NTM: variants seen among roughly 807,000 people sequenced by gnomAD.
NTM encodes IgLON family member 2.
A neutral mutation model predicts 42.1 loss-of-function variants in NTM; 13 were observed. That is an observed-to-expected ratio of 0.31 (90% confidence interval 0.20 to 0.49). The LOEUF is 0.49. Among genes scored for constraint, NTM ranks in the 20% least tolerant of loss-of-function variants. The probability of loss-of-function intolerance (pLI) is 0.99; values close to 1 mark genes in which losing one functional copy is unlikely to be tolerated. For synonymous variants in NTM, 187 were observed against 179.2 expected, an observed-to-expected ratio of 1.04 and a Z score of -0.35; for missense variants, 373 against 452.8, an observed-to-expected ratio of 0.82 and a Z score of 1.60.
chr11:132,069,756 C>T (rs1248157029), intron 2 of NTM, among the ~76,000 whole-genome samples: 2 of 150,038 alleles, frequency 1.3e-5, no homozygotes, highest in African/African-American at 2.5e-5. Context: ...CGTCACACAG[C>T]CAAGTTAACA....
chr11:132,197,898 T>C (rs536842598), intron 3 of NTM, among the ~76,000 whole-genome samples: 1 of 152,238 alleles, frequency 6.6e-6, no homozygotes, highest in East Asian at 1.9e-4. Flanking sequence ...CAGTCTATCA[T>C]TGTTGGACAT....
At chr11:132,242,752 G>A (rs185646387) in intron 4 of NTM, among the ~76,000 whole-genome samples, 42 of 152,250 alleles carry the variant, frequency 2.8e-4, no homozygotes, top group Non-Finnish European at 4.4e-4. Flanking sequence ...GACTTTGGCC[G>A]AACTTTGCCA....
rs1431791176 is a variant in NTM at position 131,518,350 on chromosome 11, CAG to C, written c.82+147465_82+147466del. On this transcript the variant is annotated intron_variant, in intron 1 of 8. Transcript: ENST00000683400. The stretch of plus-strand genomic sequence containing the variant: ...CCCTCTAAGTCTCCTTGCTGTTTCT[CAG>C]AGGATGCAGGAAGTCCTCATTCTGC... 2.0e-5 allele frequency among the ~76,000 whole-genome samples: 3 copies of C among 152,292 alleles called. No homozygotes were observed. The East Asian group carries it at 5.8e-4, about 29-fold the overall frequency.
chr11:131,885,532 C>G (rs946427436), intron 1 of NTM, among the ~76,000 whole-genome samples: 1 of 152,214 alleles, frequency 6.6e-6, no homozygotes, highest in Admixed American at 6.5e-5. Flanking sequence ...ATCCCACGCT[C>G]TTCCTCAGGG....
intron 1 of NTM, among the ~76,000 whole-genome samples, chr11:131,531,305 AT>A (rs955907523): frequency 5.9e-5 from 9 of 151,706 alleles, no homozygotes; most frequent in Non-Finnish European, 8.8e-5. Context: ...TGCTCTGCTA[AT>A]TTTTTTTGGG....
intron 2 of NTM, among the ~76,000 whole-genome samples, chr11:131,974,380 G>C (rs755393317): frequency 6.6e-6 from 1 of 152,130 alleles, no homozygotes; most frequent in Admixed American, 6.5e-5. Context: ...TTTTAAGATA[G>C]GAGTCCTTTT....
chr11:132,126,223 C>T (rs2065813961), intron 2 of NTM, among the ~76,000 whole-genome samples: 2 of 152,120 alleles, frequency 1.3e-5, no homozygotes, highest in African/African-American at 4.8e-5. Flanking sequence ...CACAAGAACG[C>T]TGTGAACAAT....
At chr11:131,527,119 G>A (rs904549569) in intron 1 of NTM, among the ~76,000 whole-genome samples, 3 of 152,182 alleles carry the variant, frequency 2.0e-5, no homozygotes, top group Admixed American at 6.5e-5. Flanking sequence ...CCCACACTGT[G>A]TCTGATGTAC....
intron 1 of NTM, among the ~76,000 whole-genome samples, chr11:131,433,632 T>C (rs1246248343): frequency 6.6e-6 from 1 of 152,216 alleles, no homozygotes; most frequent in Non-Finnish European, 1.5e-5. Context: ...TCCTTCAGAA[T>C]GTCCTCTATT....
intron 2 of NTM, among the ~76,000 whole-genome samples, chr11:132,115,405 A>T (rs960400515): frequency 1.3e-5 from 2 of 152,246 alleles, no homozygotes; most frequent in African/African-American, 4.8e-5. Context: ...TGAATGGGAA[A>T]ACATGAGATT....
intron 4 of NTM, among the ~76,000 whole-genome samples, chr11:132,270,314 C>A (rs1175655950): frequency 6.6e-6 from 1 of 152,172 alleles, no homozygotes; most frequent in Non-Finnish European, 1.5e-5. Flanking sequence ...TCACTGCAAC[C>A]TTTGCCTCCT....
At chr11:131,646,347 A>G (rs1056993369) in intron 1 of NTM, among the ~76,000 whole-genome samples, 9 of 152,184 alleles carry the variant, frequency 5.9e-5, no homozygotes, top group African/African-American at 1.9e-4. Context: ...TTTGATGCGT[A>G]TAAAGAAAAA....
intron 3 of NTM, among the ~76,000 whole-genome samples, chr11:132,182,684 A>C (rs2077752119): frequency 6.6e-6 from 1 of 152,176 alleles, no homozygotes; most frequent in African/African-American, 2.4e-5. Flanking sequence ...TGCAGTCTGC[A>C]TTGCTGCCAG....
chr11:131,386,423 T>C (rs1310406505), intron 1 of NTM, among the ~76,000 whole-genome samples: 1 of 152,252 alleles, frequency 6.6e-6, no homozygotes, highest in Admixed American at 6.5e-5. Context: ...TGTCACTTAA[T>C]GGTACACTTA....
At chr11:131,655,745 T>C (rs1482762574) in intron 1 of NTM, among the ~76,000 whole-genome samples, 1 of 152,194 alleles carries the variant, frequency 6.6e-6, no homozygotes, top group Non-Finnish European at 1.5e-5. Flanking sequence ...ATAAATATGC[T>C]CACTGGAATG....
rs182888392 is a variant in NTM, at chr11:132,277,910, G to A, written c.527-29779G>A. Reference sequence around the variant, plus strand: ...TCTGGTTTGAGGACTCTTACTTTCTGAGTTCCAAGAAATTGAAAGCATATT... The same window carrying A: ...TCTGGTTTGAGGACTCTTACTTTCTAAGTTCCAAGAAATTGAAAGCATATT... On this transcript the variant is annotated intron_variant, in intron 4 of 8. Transcript: ENST00000683400. 4.2e-3 allele frequency among the ~76,000 whole-genome samples: 644 copies of A among 152,232 alleles called. 4 individuals carry two copies. The highest frequency in any genetic ancestry group is 0.015 in the African/African-American group (614 of 41,524).
intron 1 of NTM, among the ~76,000 whole-genome samples, chr11:131,458,882 G>A (rs968868617): frequency 1.3e-5 from 2 of 152,244 alleles, no homozygotes; most frequent in Non-Finnish European, 2.9e-5. Flanking sequence ...TGTAGTCCAA[G>A]CATTTACATT....
Position 131,401,810 on chromosome 11 carries a change from A to ATATATATATATATATATATGTG in NTM, c.82+30941_82+30942insGTGTATATATATATATATATAT, listed in dbSNP as rs1565465172. Reference sequence around the variant, plus strand: ...GTCAGGCCACTGGAAATATATATATATATATATATATATATATATATATAT... The same window carrying ATATATATATATATATATATGTG: ...GTCAGGCCACTGGAAATATATATATATATATATATATATATATATGTGTATATATATATATATATATATATAT... On this transcript the variant is annotated intron_variant, in intron 1 of 8. Coordinates refer to ENST00000683400, the MANE Select transcript of NTM (RefSeq NM_001352005.2). 3.7e-3 allele frequency among the ~76,000 whole-genome samples: 51 copies of ATATATATATATATATATATGTG among 13,944 alleles called. 5 individuals carry two copies. Among genetic ancestry groups the ATATATATATATATATATATGTG allele is most frequent in the South Asian group, 0.011 (3 of 270 alleles). 9.1% of individuals were successfully genotyped at this position (13,944 alleles called of 152,430 possible). A position where few individuals can be genotyped will look rare whatever the true frequency, so the allele number is the denominator to read the frequency against.
At chr11:131,488,897 A>G (rs1954475661) in intron 1 of NTM, among the ~76,000 whole-genome samples, 1 of 152,234 alleles carries the variant, frequency 6.6e-6, no homozygotes, top group African/African-American at 2.4e-5. Flanking sequence ...GATATTTGCA[A>G]TAAACACTGG....
Sources: gnomAD v4.1 joint callset for allele counts (sites outside exome capture counted in the v4.1 genomes callset) on GRCh38, gnomAD v4.1.1 for gene constraint, MANE v1.5 for transcripts, NCBI Gene and HGNC (gene_info 2026-07-23, HGNC 2026-07-21) for gene names.